Variants in DMD observed in about 807,000 individuals in gnomAD.
DMD encodes mutant dystrophin.
Under a neutral mutation model 330.1 loss-of-function variants are expected in DMD, and 63 were observed. That is an observed-to-expected ratio of 0.19 (90% CI 0.16 to 0.24). The LOEUF (loss-of-function observed/expected upper bound fraction) is 0.24, where lower values mean the gene tolerates loss of function less well. Ranked by LOEUF, DMD falls within the 10% of genes least tolerant of loss-of-function variation. The probability of loss-of-function intolerance (pLI) is 1.00; values close to 1 mark genes in which losing one functional copy is unlikely to be tolerated. For missense variants in DMD, 3,344 were observed against 2,684.1 expected (o/e 1.25, Z -5.43); for synonymous variants, 1,223 against 959.8 (o/e 1.27, Z -5.07).
At chrX:32,880,030 T>C (rs1290119867) in intron 2 of DMD, among the ~76,000 whole-genome samples, 2 of 109,497 alleles carry the variant, frequency 1.8e-5, no homozygotes, top group Admixed American at 9.8e-5. Context: ...ATGCAAAACA[T>C]AAAAAAAAAC....
chrX:31,958,635 C>CTTAATGG (rs763179968), intron 45 of DMD, among the ~76,000 whole-genome samples: 1 of 111,679 alleles, frequency 9.0e-6, no homozygotes, highest in East Asian at 2.8e-4. Context: ...CACAGCAGTG[C>CTTAATGG]TTAATGGTTA....
intron 20 of DMD, among the ~76,000 whole-genome samples, chrX:32,488,670 G>A (rs184605742): frequency 9.0e-6 from 1 of 111,549 alleles, no homozygotes; most frequent in African/African-American, 3.2e-5. Context: ...TTTGGATGCA[G>A]TAAGAGAAGT....
intron 1 of DMD, among the ~76,000 whole-genome samples, chrX:33,227,712 AAGAGAGAGAG>A (rs759143130): frequency 9.5e-6 from 1 of 104,755 alleles, no homozygotes; most frequent in Non-Finnish European, 2.0e-5. Flanking sequence ...ATAGTTTTTA[AAGAGAGAGAG>A]AGAGAGAGAG....
rs893336543 is a variant in DMD, at chrX:32,347,218, G to C, written c.5449-1138C>G. ...AATATAGACACATCATATACTTATAGTCTGTAAAAGACTTTACTTATTTTA... is the reference window on the plus strand; with the variant it reads ...AATATAGACACATCATATACTTATACTCTGTAAAAGACTTTACTTATTTTA... On this transcript the variant is annotated intron_variant, in intron 38 of 78. Transcript: ENST00000357033. Among the ~76,000 whole-genome samples the C allele has an allele frequency of 4.5e-5, 5 of 111,236 alleles. No homozygotes were observed. In the East Asian group the frequency reaches 1.4e-3, roughly 31 times the overall value.
chrX:31,670,952 G>A (rs935103918), intron 53 of DMD, among the ~76,000 whole-genome samples: 2 of 102,850 alleles, frequency 1.9e-5, no homozygotes, highest in Non-Finnish European at 2.0e-5. Context: ...TCGCTCTTTC[G>A]CCCAGGCCGG....
chrX:31,956,821 G>C (rs755403296), intron 45 of DMD, among the ~76,000 whole-genome samples: 1 of 112,363 alleles, frequency 8.9e-6, no homozygotes, highest in Non-Finnish European at 1.9e-5. Context: ...GGGGAAGTAA[G>C]AGACATTTGT....
chrX:32,974,867 C>T (rs1304358902), intron 2 of DMD, among the ~76,000 whole-genome samples: 4 of 111,896 alleles, frequency 3.6e-5, no homozygotes, highest in Admixed American at 9.6e-5. Flanking sequence ...AGACCAATTC[C>T]TCCTAATTTT....
chrX:31,360,527 T>C (rs370674684), intron 60 of DMD, among the ~76,000 whole-genome samples: 2 of 112,381 alleles, frequency 1.8e-5, no homozygotes, highest in East Asian at 5.6e-4. Context: ...TGTTTTAGGA[T>C]GAATGAAAGC....
intron 60 of DMD, among the ~76,000 whole-genome samples, chrX:31,421,203 G>A (rs2063345040): frequency 8.9e-6 from 1 of 111,880 alleles, no homozygotes; most frequent in Non-Finnish European, 1.9e-5. Flanking sequence ...TCCCCTTGCA[G>A]AGATAATGAA....
chrX:32,736,300 A>T, intron 7 of DMD, among the ~76,000 whole-genome samples: 1 of 111,263 alleles, frequency 9.0e-6, no homozygotes, highest in Non-Finnish European at 1.9e-5. Flanking sequence ...AAATAGGAAC[A>T]CTTTTTCACT....
intron 61 of DMD, among the ~76,000 whole-genome samples, chrX:31,341,487 T>TA (rs1179205249): frequency 8.9e-6 from 1 of 112,218 alleles, no homozygotes; most frequent in East Asian, 2.8e-4. Flanking sequence ...TCTTAACCGC[T>TA]ATCGATACCA....
chrX:32,315,642 T>C (rs1446652158), intron 41 of DMD, among the ~76,000 whole-genome samples: 1 of 111,534 alleles, frequency 9.0e-6, no homozygotes, highest in Non-Finnish European at 1.9e-5. Flanking sequence ...GTGTTAATCA[T>C]AGTCCTAAAC....
intron 1 of DMD, among the ~76,000 whole-genome samples, chrX:33,259,605 C>A (rs1161690182): frequency 1.4e-5 from 1 of 70,292 alleles, no homozygotes; most frequent in African/African-American, 5.1e-5. Flanking sequence ...TCGCCCCCCC[C>A]CCCCAAAAAA....
At chrX:31,314,742 C>G (rs868101635) in intron 62 of DMD, among the ~76,000 whole-genome samples, 1 of 55,283 alleles carries the variant, frequency 1.8e-5, no homozygotes, top group East Asian at 6.6e-4. Flanking sequence ...AATACATACA[C>G]AGAGAGAGAG....
At chrX:31,425,817 A>G (rs2063687016) in intron 60 of DMD, among the ~76,000 whole-genome samples, 1 of 109,823 alleles carries the variant, frequency 9.1e-6, no homozygotes. Context: ...GACCATGAGG[A>G]AAAAGACAAG....
chrX:32,730,378 T>G (rs2067426105), intron 7 of DMD, among the ~76,000 whole-genome samples: 2 of 111,940 alleles, frequency 1.8e-5, no homozygotes, highest in African/African-American at 6.5e-5. Context: ...GTGCCATAAG[T>G]AAATGCATAG....
chrX:32,005,012 A>G (rs1362117084), intron 44 of DMD, among the ~76,000 whole-genome samples: 1 of 111,546 alleles, frequency 9.0e-6, no homozygotes, highest in African/African-American at 3.3e-5. Flanking sequence ...TGCACTCTAA[A>G]AGTTCCATTA....
At chrX:32,984,308 G>A (rs769577338) in intron 2 of DMD, among the ~76,000 whole-genome samples, 20 of 112,364 alleles carry the variant, frequency 1.8e-4, no homozygotes, top group Non-Finnish European at 3.8e-5. Context: ...AGGCTGGAGC[G>A]CAATGGCGCC....
chrX:32,331,618 CATG>C (rs750058428), intron 41 of DMD, among the ~76,000 whole-genome samples: 249 of 111,337 alleles, frequency 2.2e-3, no homozygotes, highest in Non-Finnish European at 3.5e-3. Context: ...CAACACATTG[CATG>C]ATGACTGTAG....
Sources: gnomAD v4.1 joint callset for allele counts (sites outside exome capture counted in the v4.1 genomes callset) on GRCh38, gnomAD v4.1.1 for gene constraint, MANE v1.5 for transcripts, NCBI Gene and HGNC (gene_info 2026-07-23, HGNC 2026-07-21) for gene names.